The following ZNF674 variants were observed in gnomAD, a reference collection of about 807,000 sequenced individuals.
The protein encoded by ZNF674 is zinc finger protein 674.
In ZNF674, 2 loss-of-function variants were observed where a neutral mutation model predicts 7.0. That is an observed-to-expected ratio of 0.29 (90% CI 0.12 to 0.90). The LOEUF (loss-of-function observed/expected upper bound fraction) is 0.90, where lower values mean the gene tolerates loss of function less well. ZNF674 is among the 40% of genes least tolerant of loss of function. The probability of loss-of-function intolerance (pLI) is 0.57; values close to 1 mark genes in which losing one functional copy is unlikely to be tolerated. For missense variants in ZNF674, 297 were observed against 415.5 expected, an observed-to-expected ratio of 0.71 and a Z score of 2.48; for synonymous variants, 103 against 145.2, an observed-to-expected ratio of 0.71 and a Z score of 2.09.
rs1415980860 is a variant in ZNF674 at position 46,498,107 on chromosome X, C to G, written c.*1736G>C. On this transcript the variant is annotated 3_prime_UTR_variant, in exon 6 of 6. Coordinates refer to ENST00000683375, the MANE Select transcript of ZNF674 (RefSeq NM_001190417.2). ...GTTATTGTTTTATAATATTTTTTAC[C>G]TAATGATTTACCACGAACATTTTCC... 3 of 110,273 alleles carry G rather than the reference C, an allele frequency of 2.7e-5. No homozygotes were observed. The highest frequency in any genetic ancestry group is 5.7e-5 in the Non-Finnish European group (3 of 52,780). The allele number at this position is 110,273 out of a possible 1,213,427, so 9.1% of individuals were successfully genotyped here.
At chrX:46,534,607 C>T (rs1018004068) in intron 3 of ZNF674, among the ~76,000 whole-genome samples, 5 of 110,767 alleles carry the variant, frequency 4.5e-5, no homozygotes, top group Admixed American at 9.6e-5. Context: ...ATGATCCACC[C>T]GTGTCAGCTT....
chrX:46,515,355 C>T (rs990935152), intron 5 of ZNF674, among the ~76,000 whole-genome samples: 10 of 92,786 alleles, frequency 1.1e-4, no homozygotes, highest in African/African-American at 3.1e-4. Flanking sequence ...GGTGACAGAG[C>T]GAGACTCTCT....
rs1226734874 is a variant in ZNF674 at position 46,499,162 on chromosome X, GGTTT to G, written c.*677_*680del. ...CATGATTCCTCTCATTTATACCATG[GGTTT>G]GTTTATTTATTTATTTGACAAGGTC... is the stretch of plus-strand genomic sequence containing the variant. On this transcript the variant is annotated 3_prime_UTR_variant, in exon 6 of 6. Transcript: ENST00000683375. 2 of 110,495 alleles carry G rather than the reference GGTTT, an allele frequency of 1.8e-5. No individual in the cohort carries two copies. Among genetic ancestry groups the G allele is most frequent in the African/African-American group, 6.6e-5 (2 of 30,378 alleles). 9.1% of individuals were successfully genotyped at this position (110,495 alleles called of 1,213,427 possible).
chrX:46,519,261 GA>G (rs1212114796), intron 5 of ZNF674, among the ~76,000 whole-genome samples: 1 of 47,894 alleles, frequency 2.1e-5, no homozygotes, highest in African/African-American at 7.9e-5. Context: ...TAGATAGATA[GA>G]TAAAGATAGA....
chrX:46,532,447 T>C (rs934508111), intron 3 of ZNF674, among the ~76,000 whole-genome samples: 1 of 112,064 alleles, frequency 8.9e-6, no homozygotes, highest in African/African-American at 3.2e-5. Context: ...CACATATCTT[T>C]GTGTTTTGGT....
At chrX:46,519,675 G>A (rs1382423449) in intron 5 of ZNF674, among the ~76,000 whole-genome samples, 1 of 110,522 alleles carries the variant, frequency 9.0e-6, no homozygotes, top group Non-Finnish European at 1.9e-5. Flanking sequence ...TAAAAACAAG[G>A]AGACAGTGAC....
intron 3 of ZNF674, among the ~76,000 whole-genome samples, chrX:46,537,727 AT>A (rs1021205376): frequency 4.5e-5 from 5 of 112,165 alleles, no homozygotes; most frequent in Non-Finnish European, 7.5e-5. Context: ...AGGTTTTAAC[AT>A]TTTAATACAG....
chrX:46,529,156 C>T (rs1369725356), intron 3 of ZNF674: 20 of 461,626 alleles, frequency 4.3e-5, no homozygotes, highest in South Asian at 1.0e-4. Context: ...GTCTGGCTCC[C>T]GCATCCACGC....
At chrX:46,524,540 A>C (rs868058296) in intron 5 of ZNF674, among the ~76,000 whole-genome samples, 4 of 108,694 alleles carry the variant, frequency 3.7e-5, no homozygotes, top group East Asian at 2.9e-4. Context: ...TATACACACA[A>C]AAAAAATTAG....
chrX:46,512,626 T>C (rs975406953), intron 5 of ZNF674, among the ~76,000 whole-genome samples: 6 of 108,405 alleles, frequency 5.5e-5, no homozygotes, highest in Non-Finnish European at 7.6e-5. Flanking sequence ...TAGTTGGGCA[T>C]GGTGGCACAT....
rs1556015326 is a variant in ZNF674, at chrX:46,519,255, T to TG, written c.238+9094_238+9095insC. 4.1e-5 allele frequency among the ~76,000 whole-genome samples: 3 copies of TG among 74,022 alleles called. No homozygotes were observed. The East Asian group carries it at 1.1e-3, about 27-fold the overall frequency. 64.3% of individuals were successfully genotyped at this position (74,022 alleles called of 115,157 possible). On this transcript the variant is annotated intron_variant, in intron 5 of 5. Transcript: ENST00000683375. ...ATAGATAGATAGATAGATAGATAGATAGATAGATAAAGATAGATGATAGAT... is the reference window on the plus strand; with the variant it reads ...ATAGATAGATAGATAGATAGATAGATGAGATAGATAAAGATAGATGATAGAT...
chrX:46,524,698 G>GAAAAAAA (rs566678084), intron 5 of ZNF674, among the ~76,000 whole-genome samples: 1 of 75,642 alleles, frequency 1.3e-5, no homozygotes, highest in Non-Finnish European at 2.6e-5. Context: ...AAGAAAAAAA[G>GAAAAAAA]AAAAAAAAAA....
chrX:46,517,436 C>G (rs1019677883), intron 5 of ZNF674, among the ~76,000 whole-genome samples: 1 of 110,875 alleles, frequency 9.0e-6, no homozygotes, highest in African/African-American at 3.3e-5. Flanking sequence ...AAAATAATAA[C>G]CAAAAACTTC....
At chrX:46,529,034 G>C in intron 3 of ZNF674, 125 bp from the exon 4 acceptor site, 2 of 1,133,618 alleles carry the variant, frequency 1.8e-6, no homozygotes, top group Non-Finnish European at 2.4e-6. Context: ...AAAGATTTCA[G>C]TCTTCGCCGC....
intron 5 of ZNF674, among the ~76,000 whole-genome samples, chrX:46,516,783 G>C (rs1471230864): frequency 3.6e-5 from 4 of 112,258 alleles, no homozygotes; most frequent in Non-Finnish European, 7.5e-5. Context: ...GATCACTTGA[G>C]GTCAGGAGTT....
At chrX:46,501,662 A>ATATGTGTGTGTGTGTG (rs1556008912) in intron 5 of ZNF674, among the ~76,000 whole-genome samples, 22 of 102,349 alleles carry the variant, frequency 2.1e-4, no homozygotes, top group African/African-American at 7.8e-4. Context: ...TTGTATATAT[A>ATATGTGTGTGTGTGTG]TGTGTGTGTG....
At position 46,500,745 on chromosome X, in the gene ZNF674, A is replaced by G. The variant is rs1407894120; in HGVS notation, c.829T>C (p.Cys277Arg). Residue 277 changes from cysteine to arginine, a missense_variant, in exon 6 of 6, where the codon TGC becomes CGC. Transcript: ENST00000683375. ...ATAAAGGTTTTTCCACATTCACTGC[A>G]TTCATAGGGCTTCTCCCCTGTGTGA... ...RTHTGEKPYE[C>R]SECGKTFIQK... The G allele has an allele frequency of 8.3e-7, 1 of 1,204,585 alleles. No homozygotes were observed. Among genetic ancestry groups the G allele is most frequent in the East Asian group, 3.0e-5 (1 of 33,646 alleles).
At chrX:46,519,210 T>TCAGATAGA (rs1358283561) in intron 5 of ZNF674, among the ~76,000 whole-genome samples, 2 of 74,353 alleles carry the variant, frequency 2.7e-5, no homozygotes, top group South Asian at 1.5e-3. Context: ...CTCAGATAGA[T>TCAGATAGA]TAGATAGATA....
chrX:46,500,567 C>T lies in ZNF674; in HGVS notation c.1007G>A (p.Cys336Tyr). ...IRQAFYKGIKCTTSSLIYQRI... is the reference protein window; with the variant it reads ...IRQAFYKGIKYTTSSLIYQRI... ...TTGATATATAAGGCTGGACGTAGTA[C>T]ATTTAATACCTTTATAAAATGCTTG... The change falls in exon 6 of 6, where the codon TGT (cysteine) becomes TAT (tyrosine). Residue 336 changes from cysteine (C) to tyrosine (Y), a missense_variant. By Grantham distance (194) the Cys-to-Tyr change is radical (BLOSUM62 -2). Transcript: ENST00000683375. 2 of 1,211,219 alleles carry T rather than the reference C, an allele frequency of 1.7e-6. No individual in the cohort carries two copies. The highest frequency in any genetic ancestry group is 2.2e-6 in the Non-Finnish European group (2 of 894,863).
Sources: allele counts gnomAD v4.1 joint callset (sites outside exome capture counted in the v4.1 genomes callset), GRCh38; gene constraint gnomAD v4.1.1; transcripts MANE v1.5; gene names NCBI Gene and HGNC (gene_info 2026-07-23, HGNC 2026-07-21).